DDI2: variants seen among roughly 807,000 people sequenced by gnomAD.
DDI2 encodes the protein DDI proteasomal shuttling factor 2.
DDI2 carries 5 observed loss-of-function variants against 48.1 expected under a neutral mutation model. The ratio of observed to expected loss-of-function variants is 0.10; its 90% CI spans 0.05 to 0.22. DDI2 has a LOEUF of 0.22. DDI2 is among the 10% of genes least tolerant of loss of function. The pLI, the probability that DDI2 is intolerant of heterozygous loss-of-function variation, is 1.00. For synonymous variants in DDI2, 205 were observed against 183.6 expected (o/e 1.12, Z -0.94); for missense variants, 285 against 506.2 (o/e 0.56, Z 4.19).
chr1:15,619,944 A>G (rs1165173838), intron 1 of DDI2, among the ~76,000 whole-genome samples: 8 of 152,048 alleles, frequency 5.3e-5, no homozygotes, highest in Admixed American at 1.3e-4. Context: ...AGTCAAAGGG[A>G]TACCTGACAC....
chr1:15,640,080 CTG>C (rs1332701046), intron 5 of DDI2, among the ~76,000 whole-genome samples: 2 of 151,584 alleles, frequency 1.3e-5, no homozygotes, highest in Non-Finnish European at 2.9e-5. Context: ...TAAAAAAAAA[CTG>C]AAATTATTCA....
chr1:15,650,827 G>C (rs1640166643), intron 7 of DDI2, among the ~76,000 whole-genome samples: 1 of 152,076 alleles, frequency 6.6e-6, no homozygotes, highest in Non-Finnish European at 1.5e-5. Context: ...GCATCATATT[G>C]ATAATAAGAC....
intron 1 of DDI2, among the ~76,000 whole-genome samples, chr1:15,620,013 G>A (rs1315992769): frequency 6.6e-6 from 1 of 152,076 alleles, no homozygotes; most frequent in Admixed American, 6.6e-5. Flanking sequence ...TTTATTGTGT[G>A]GTCAGCCAGA....
chr1:15,642,585 T>C (rs910368206), intron 5 of DDI2, among the ~76,000 whole-genome samples: 1 of 152,136 alleles, frequency 6.6e-6, no homozygotes, highest in African/African-American at 2.4e-5. Context: ...TGAAGTACGA[T>C]TACAGGCATG....
Position 15,651,098 on chromosome 1 carries a change from C to T in DDI2, c.994-608C>T, listed in dbSNP as rs556606184. ...TCGATCTCCTGACCTCGTGATCCGC[C>T]CGCCTCAGCCTCCCAAAGTGCCGGG... On this transcript the variant is annotated intron_variant, in intron 7 of 9. Coordinates refer to ENST00000480945, the MANE Select transcript of DDI2 (RefSeq NM_032341.5). Among the ~76,000 whole-genome samples the T allele has an allele frequency of 3.3e-5, 5 of 152,284 alleles. No individual in the cohort carries two copies. The South Asian group carries it at 1.0e-3, about 32-fold the overall frequency.
intron 1 of DDI2, among the ~76,000 whole-genome samples, chr1:15,624,037 A>C (rs1007702579): frequency 6.6e-6 from 1 of 152,224 alleles, no homozygotes; most frequent in African/African-American, 2.4e-5. Context: ...CCTGGGCGAG[A>C]GCGAGACTCC....
At chr1:15,643,674 G>A in intron 6 of DDI2, 24 bp downstream of exon 6, 1 of 1,611,830 alleles carries the variant, frequency 6.2e-7, no homozygotes, top group Non-Finnish European at 8.5e-7. Context: ...ACTGGGGCTT[G>A]CTGTCTTTCT....
At chr1:15,637,615 G>A (rs927424679) in intron 4 of DDI2, among the ~76,000 whole-genome samples, 1 of 152,286 alleles carries the variant, frequency 6.6e-6, no homozygotes, top group East Asian at 1.9e-4. Context: ...TGATCCACCC[G>A]CCTTGGCCTC....
intron 1 of DDI2, among the ~76,000 whole-genome samples, chr1:15,619,586 C>G (rs186302256): frequency 6.6e-6 from 1 of 150,782 alleles, no homozygotes; most frequent in Non-Finnish European, 1.5e-5. Flanking sequence ...CTCAGCCTCC[C>G]GAGTAGCTGG....
Position 15,668,388 on chromosome 1 carries a change from A to G in DDI2, c.*8598A>G, listed in dbSNP as rs185502126. The G allele has an allele frequency of 3.1e-4, 47 of 152,320 alleles. No homozygotes were observed. Among genetic ancestry groups the G allele is most frequent in the African/African-American group, 1.1e-3 (45 of 41,572 alleles). The allele number at this position is 152,320 out of a possible 1,614,324, so 9.4% of individuals were successfully genotyped here. On this transcript the variant is annotated 3_prime_UTR_variant, in exon 10 of 10. Transcript: ENST00000480945. ...TGACTAGATTTCTATTCTATCCCCG[A>G]TCATCCTTTTGAAATAGTTCTAGTG... is the stretch of plus-strand genomic sequence containing the variant.
chr1:15,624,325 T>C (rs1404414088), intron 1 of DDI2, among the ~76,000 whole-genome samples: 2 of 152,214 alleles, frequency 1.3e-5, no homozygotes, highest in African/African-American at 2.4e-5. Flanking sequence ...TCACAAGTTA[T>C]AATATGACTC....
At chr1:15,624,516 G>A (rs1639721450) in intron 1 of DDI2, among the ~76,000 whole-genome samples, 1 of 152,134 alleles carries the variant, frequency 6.6e-6, no homozygotes, top group Non-Finnish European at 1.5e-5. Context: ...GCCCCAGGCT[G>A]GAGTGCAGTG....
chr1:15,643,028 C>G (rs1010216356), intron 5 of DDI2, among the ~76,000 whole-genome samples: 2 of 152,106 alleles, frequency 1.3e-5, no homozygotes, highest in Non-Finnish European at 2.9e-5. Context: ...GACTGCGCCA[C>G]TGCACTTCAG....
Position 15,663,861 on chromosome 1 carries a change from C to T in DDI2, c.*4071C>T, listed in dbSNP as rs996126028. The stretch of plus-strand genomic sequence containing the variant: ...TAAAGGGCCTTCCATGTAAGCAGAA[C>T]GAACCTTGGCACACAATTCAGTGTG... On this transcript the variant is annotated 3_prime_UTR_variant, in exon 10 of 10. Transcript: ENST00000480945. 1.3e-5 allele frequency: 2 copies of T among 152,080 alleles called. No individual in the cohort carries two copies. Among genetic ancestry groups the T allele is most frequent in the African/African-American group, 2.4e-5 (1 of 41,388 alleles). 9.4% of individuals were successfully genotyped at this position (152,080 alleles called of 1,614,324 possible). A position where few individuals can be genotyped will look rare whatever the true frequency, so the allele number is the denominator to read the frequency against.
At chr1:15,639,038 A>C (rs544077302) in intron 5 of DDI2, among the ~76,000 whole-genome samples, 1 of 152,300 alleles carries the variant, frequency 6.6e-6, no homozygotes, top group Non-Finnish European at 1.5e-5. Flanking sequence ...TGTAGAGTAT[A>C]GGTCAAACAC....
chr1:15,634,112 C>G, intron 4 of DDI2: 2 of 202,134 alleles, frequency 9.9e-6, no homozygotes, highest in South Asian at 1.5e-4. Context: ...TTCTGTAATG[C>G]GGTGGTTCTC....
At chr1:15,654,657 CAAA>C (rs201383199) in intron 8 of DDI2, among the ~76,000 whole-genome samples, 7 of 108,780 alleles carry the variant, frequency 6.4e-5, no homozygotes, top group East Asian at 6.7e-4. Context: ...ATCCTGTGTC[CAAA>C]AAAAAAAAAA....
At chr1:15,617,903 G>A (rs1639589102) in intron 1 of DDI2, 95 bp downstream of exon 1, 17 of 1,381,418 alleles carry the variant, frequency 1.2e-5, no homozygotes, top group Non-Finnish European at 1.6e-5. Context: ...AGAATTGGGG[G>A]CTGGGGGGAG....
Position 15,665,856 on chromosome 1 carries a change from C to G in DDI2, c.*6066C>G, listed in dbSNP as rs140058459. 6.6e-6 allele frequency: 1 copy of G among 152,226 alleles called. No homozygotes were observed. Among genetic ancestry groups the G allele is most frequent in the Non-Finnish European group, 1.5e-5 (1 of 68,014 alleles). 9.4% of individuals were successfully genotyped at this position (152,226 alleles called of 1,614,324 possible). ...AGGATGATTGAACTGCTGCATATTT[C>G]AAACCTGTTATCACTGGCAGTGTGT... is the stretch of plus-strand genomic sequence containing the variant. On this transcript the variant is annotated 3_prime_UTR_variant, in exon 10 of 10. Coordinates refer to ENST00000480945, the MANE Select transcript of DDI2 (RefSeq NM_032341.5).
Sources: allele counts gnomAD v4.1 joint callset (sites outside exome capture counted in the v4.1 genomes callset), GRCh38; gene constraint gnomAD v4.1.1; transcripts MANE v1.5; gene names NCBI Gene and HGNC (gene_info 2026-07-23, HGNC 2026-07-21).